Variants in ATR observed in about 807,000 individuals in gnomAD.
ATR encodes ATR checkpoint kinase.
A neutral mutation model predicts 305.3 loss-of-function variants in ATR; 142 were observed. The ratio of observed to expected loss-of-function variants is 0.47; its 90% CI spans 0.41 to 0.53. ATR has a LOEUF of 0.53. Among genes scored for constraint, ATR ranks in the 20% least tolerant of loss-of-function variants. The pLI, the probability that ATR is intolerant of heterozygous loss-of-function variation, is 0.00. For missense variants in ATR, 2,135 were observed against 3,133.1 expected, an observed-to-expected ratio of 0.68 and a Z score of 7.60; for synonymous variants, 1,050 against 1,068.1, an observed-to-expected ratio of 0.98 and a Z score of 0.33.
chr3:142,515,534 G>T lies in ATR; in HGVS notation c.4383-19C>A. 6.2e-7 allele frequency: 1 copy of T among 1,600,722 alleles called. No individual in the cohort carries two copies. Among genetic ancestry groups the T allele is most frequent in the South Asian group, 1.1e-5 (1 of 90,678 alleles). On this transcript the variant is annotated intron_variant, in intron 24 of 46. Transcript: ENST00000350721. ...CTTGTATCTGTAATTTTGAAAATTT[G>T]TTTATTAAAAAGATAAATCCACCTG...
intron 35 of ATR, among the ~76,000 whole-genome samples, chr3:142,491,098 C>G (rs1051392015): frequency 1.3e-5 from 2 of 152,008 alleles, no homozygotes; most frequent in African/African-American, 4.8e-5. Context: ...AGAACATTTT[C>G]ATCACTCCAA....
rs1205846528 is a variant in ATR at position 142,562,916 on chromosome 3, T to A, written c.486A>T (p.Arg162Ser). The A allele has an allele frequency of 3.7e-6, 6 of 1,613,448 alleles. No individual in the cohort carries two copies. Among genetic ancestry groups the A allele is most frequent in the Non-Finnish European group, 5.1e-6 (6 of 1,179,880 alleles). The part of the protein sequence containing the change: ...LFEDLVYLHR[R>S]NVMGHAVEWP... Reference sequence around the variant, plus strand: ...ATTCCACAGCATGACCCATCACATTTCTTCTATGGAGGTAAACCAAGTCTT... The same window carrying A: ...ATTCCACAGCATGACCCATCACATTACTTCTATGGAGGTAAACCAAGTCTT... The change falls in exon 4 of 47, where the codon AGA (arginine) becomes AGT (serine). Residue 162 changes from arginine to serine, a missense_variant. By Grantham distance (110) the Arg-to-Ser change is moderately radical. This residue lies in a region of ATR where 744 missense variants were observed against 873.2 expected (regional missense o/e 0.85). Transcript: ENST00000350721.
At chr3:142,500,535 C>T (rs2031901847) in intron 30 of ATR, among the ~76,000 whole-genome samples, 1 of 152,076 alleles carries the variant, frequency 6.6e-6, no homozygotes, top group Non-Finnish European at 1.5e-5. Flanking sequence ...AATAACACTG[C>T]ATACAGCACA....
rs2108451957 is a variant in ATR at position 142,547,910 on chromosome 3, T to A, written c.3172A>T (p.Asn1058Tyr). ...CTCCCCAGTTCAATTTCTGTTTCAT[T>A]CTAACCCAAAGACATGTTAAAAAAA... Reference protein sequence around the residue: ...ELERALHYLKNETEIELGSLL... With the variant: ...ELERALHYLKYETEIELGSLL... The change falls in exon 16 of 47, where the codon AAT becomes TAT. Residue 1058 changes from asparagine to tyrosine, a missense_variant and splice_region_variant. By Grantham distance (143) the Asn-to-Tyr change is moderately radical (BLOSUM62 -2). Coordinates refer to ENST00000350721, the MANE Select transcript of ATR (RefSeq NM_001184.4). The A allele has an allele frequency of 6.2e-7, 1 of 1,613,878 alleles. No homozygotes were observed. The highest frequency in any genetic ancestry group is 8.5e-7 in the Non-Finnish European group (1 of 1,179,904).
intron 36 of ATR, chr3:142,471,993 C>T (rs1269387518): frequency 6.6e-6 from 1 of 151,800 alleles, no homozygotes; most frequent in African/African-American, 2.4e-5. Flanking sequence ...TCTTTCTGTG[C>T]CAGGCTTACT....
chr3:142,452,685 C>A (rs1230088933), intron 46 of ATR: 1 of 1,025,790 alleles, frequency 9.7e-7, no homozygotes, highest in African/African-American at 1.7e-5. Flanking sequence ...AAAACAACAA[C>A]CACCACCACC....
chr3:142,527,580 C>T (rs1011957126), intron 21 of ATR, among the ~76,000 whole-genome samples: 6 of 152,082 alleles, frequency 3.9e-5, no homozygotes, highest in African/African-American at 7.2e-5. Context: ...TTACCAATTT[C>T]GCTAGTTTTT....
chr3:142,487,965 T>C (rs748185478), intron 35 of ATR, among the ~76,000 whole-genome samples: 4 of 152,230 alleles, frequency 2.6e-5, no homozygotes, highest in Non-Finnish European at 5.9e-5. Context: ...CCCCTCCAGA[T>C]AGATACACTT....
At chr3:142,572,306 T>A (rs1021189643) in intron 1 of ATR, among the ~76,000 whole-genome samples, 1 of 149,834 alleles carries the variant, frequency 6.7e-6, no homozygotes, top group African/African-American at 2.5e-5. Flanking sequence ...ACTGACCTCA[T>A]GATCCATCCG....
chr3:142,477,153 G>C (rs146165777), intron 36 of ATR, among the ~76,000 whole-genome samples: 1 of 152,160 alleles, frequency 6.6e-6, no homozygotes, highest in Non-Finnish European at 1.5e-5. Flanking sequence ...TGGTGAGAGA[G>C]GGCATCCCTG....
chr3:142,573,453 C>CA (rs1218216880), intron 1 of ATR, among the ~76,000 whole-genome samples: 680 of 45,732 alleles, frequency 0.015, 43 homozygotes, highest in African/African-American at 0.034. Flanking sequence ...GACTTCATCT[C>CA]AAAAAAAAAA....
At chr3:142,551,166 C>A (rs1209454817) in intron 13 of ATR, among the ~76,000 whole-genome samples, 2 of 152,190 alleles carry the variant, frequency 1.3e-5, no homozygotes, top group Non-Finnish European at 2.9e-5. Context: ...AATCCCAGCA[C>A]TTTCAGAGGC....
chr3:142,539,744 C>T (rs180858227), intron 18 of ATR, among the ~76,000 whole-genome samples: 2 of 152,204 alleles, frequency 1.3e-5, no homozygotes, highest in East Asian at 3.9e-4. Context: ...CAGATACGCA[C>T]AATCATGCCC....
chr3:142,459,428 A>G lies in ATR; in HGVS notation c.7193-45T>C, dbSNP rs757260266. On this transcript the variant is annotated intron_variant, in intron 42 of 46. Transcript: ENST00000350721. ...CCATTAATCACATCAGCCAAATGAA[A>G]AAAGGGGCAAAGTTTTTTTTGTTAA... 6 of 1,608,214 alleles carry G rather than the reference A, an allele frequency of 3.7e-6. No individual in the cohort carries two copies. In the African/African-American group the frequency reaches 8.0e-5, roughly 21 times the overall value.
rs554201382 is a variant in ATR, at chr3:142,468,458, A to T, written c.6553-390T>A. ...TCAAATTATATTTAATAACATGGAAACAATAAAGTGAAAAATATGAAATTG... is the reference window on the plus strand; with the variant it reads ...TCAAATTATATTTAATAACATGGAATCAATAAAGTGAAAAATATGAAATTG... On this transcript the variant is annotated intron_variant, in intron 38 of 46. Coordinates refer to ENST00000350721, the MANE Select transcript of ATR (RefSeq NM_001184.4). Among the ~76,000 whole-genome samples the T allele has an allele frequency of 3.3e-5, 5 of 152,306 alleles. No individual in the cohort carries two copies. In the South Asian group the frequency reaches 1.0e-3, roughly 32 times the overall value.
chr3:142,571,352 G>T (rs372046756), intron 1 of ATR, among the ~76,000 whole-genome samples: 11 of 152,218 alleles, frequency 7.2e-5, no homozygotes, highest in African/African-American at 2.6e-4. Flanking sequence ...TGTAGTCCCA[G>T]CTGCTCAGGA....
At chr3:142,495,304 A>G (rs2031518553) in intron 34 of ATR, among the ~76,000 whole-genome samples, 1 of 152,208 alleles carries the variant, frequency 6.6e-6, no homozygotes, top group South Asian at 2.1e-4. Context: ...GTCCTTTCTC[A>G]GCCACCACAA....
chr3:142,578,592 C>A (rs2035517049), intron 1 of ATR, 54 bp downstream of exon 1: 1 of 1,578,808 alleles, frequency 6.3e-7, no homozygotes, highest in South Asian at 1.1e-5. Context: ...CACGTGAAAC[C>A]CAAGCCGGAA....
intron 35 of ATR, among the ~76,000 whole-genome samples, chr3:142,487,206 G>C (rs1007002466): frequency 6.6e-6 from 1 of 152,150 alleles, no homozygotes; most frequent in African/African-American, 2.4e-5. Flanking sequence ...GCATGCTCAT[G>C]ACTCCCTGCA....
Sources: allele counts gnomAD v4.1 joint callset (sites outside exome capture counted in the v4.1 genomes callset), GRCh38; gene constraint gnomAD v4.1.1; regional missense constraint gnomAD v4.1.1; transcripts MANE v1.5; gene names NCBI Gene and HGNC (gene_info 2026-07-23, HGNC 2026-07-21).